The following RALYL variants were observed in gnomAD, a reference collection of about 807,000 sequenced individuals.
The protein encoded by RALYL is RNA-binding Raly-like protein.
In RALYL, 29 loss-of-function variants were observed where a neutral mutation model predicts 35.1. The observed-to-expected ratio is 0.83, with a 90% CI of 0.61 to 1.13. The LOEUF (loss-of-function observed/expected upper bound fraction) is 1.13. RALYL is among the 50% of genes most tolerant of loss of function. RALYL has a pLI of 0.00. For missense variants in RALYL, 359 were observed against 360.4 expected, an observed-to-expected ratio of 1.00 and a Z score of 0.03; for synonymous variants, 120 against 127.6, an observed-to-expected ratio of 0.94 and a Z score of 0.40.
At chr8:84,423,134 A>G (rs1329482601) in intron 1 of RALYL, among the ~76,000 whole-genome samples, 2 of 150,482 alleles carry the variant, frequency 1.3e-5, no homozygotes, top group Non-Finnish European at 3.0e-5. Context: ...GATCTGTCTA[A>G]TGTTGACAGT....
intron 4 of RALYL, among the ~76,000 whole-genome samples, chr8:84,828,291 G>T (rs905395376): frequency 4.6e-5 from 7 of 152,100 alleles, no homozygotes; most frequent in Non-Finnish European, 7.4e-5. Flanking sequence ...ACCAAGAAAT[G>T]AAGCCACACT....
chr8:84,708,180 G>C (rs1396766070), intron 2 of RALYL, among the ~76,000 whole-genome samples: 1 of 152,038 alleles, frequency 6.6e-6, no homozygotes, highest in Non-Finnish European at 1.5e-5. Context: ...GAATAGTAAA[G>C]GTGCATGTGG....
Position 84,921,140 on chromosome 8 carries a change from C to T in RALYL, c.*229C>T. The T allele has an allele frequency of 2.8e-6, 1 of 356,376 alleles. No individual in the cohort carries two copies. Among genetic ancestry groups the T allele is most frequent in the Non-Finnish European group, 5.1e-6 (1 of 196,770 alleles). 22.1% of individuals were successfully genotyped at this position (356,376 alleles called of 1,614,324 possible). A position where few individuals can be genotyped will look rare whatever the true frequency, so the allele number is the denominator to read the frequency against. Reference sequence around the variant, plus strand: ...GTTTAAATTGTAAATGTGTTTTCCCCTTTGCTAATTATGTTTTTTTTTTCA... The same window carrying T: ...GTTTAAATTGTAAATGTGTTTTCCCTTTTGCTAATTATGTTTTTTTTTTCA... On this transcript the variant is annotated 3_prime_UTR_variant, in exon 9 of 9. Coordinates refer to ENST00000521268, the MANE Select transcript of RALYL (RefSeq NM_173848.7).
Position 84,388,110 on chromosome 8 carries a change from G to A in RALYL, c.-23-141189G>A, listed in dbSNP as rs570158303. Among the ~76,000 whole-genome samples, 626 of 152,042 alleles carry A rather than the reference G, an allele frequency of 4.1e-3. 2 individuals are homozygous for A. Among genetic ancestry groups the A allele is most frequent in the Non-Finnish European group, 6.8e-3 (459 of 67,986 alleles). ...ATGTGGTGTTTGGTTTTTTGTTCTT[G>A]CGATAGTTTACTGAGAATGATGATT... is the stretch of plus-strand genomic sequence containing the variant. On this transcript the variant is annotated intron_variant, in intron 1 of 8. Coordinates refer to ENST00000521268, the MANE Select transcript of RALYL (RefSeq NM_173848.7).
intron 6 of RALYL, among the ~76,000 whole-genome samples, chr8:84,870,958 T>G (rs1349938272): frequency 6.6e-6 from 1 of 152,156 alleles, no homozygotes; most frequent in African/African-American, 2.4e-5. Flanking sequence ...CAAGACTATT[T>G]GTAGAGCCTG....
chr8:84,226,394 G>A (rs1352998893), intron 1 of RALYL, among the ~76,000 whole-genome samples: 1 of 151,976 alleles, frequency 6.6e-6, no homozygotes, highest in Non-Finnish European at 1.5e-5. Context: ...TTCTTTTTTG[G>A]TTGTTTGTTT....
intron 5 of RALYL, among the ~76,000 whole-genome samples, chr8:84,857,847 T>A (rs1837366084): frequency 6.6e-6 from 1 of 152,170 alleles, no homozygotes; most frequent in Admixed American, 6.5e-5. Context: ...ATTGTAGTTT[T>A]TTTATGTACT....
chr8:84,679,509 A>G (rs2131947018), intron 2 of RALYL: 1 of 346,354 alleles, frequency 2.9e-6, no homozygotes, highest in South Asian at 2.4e-5. Flanking sequence ...ATTGGATATT[A>G]ACTTTTACAG....
chr8:84,599,874 C>T (rs539898865), intron 2 of RALYL, among the ~76,000 whole-genome samples: 4 of 148,816 alleles, frequency 2.7e-5, no homozygotes, highest in East Asian at 3.9e-4. Context: ...TTGTTATTTG[C>T]GGAGGGATGT....
chr8:84,380,483 T>G (rs890299841), intron 1 of RALYL, among the ~76,000 whole-genome samples: 3 of 151,838 alleles, frequency 2.0e-5, no homozygotes, highest in Non-Finnish European at 2.9e-5. Flanking sequence ...GTTTACTAGG[T>G]CATGAGGCTC....
chr8:84,687,419 C>G lies in RALYL; in HGVS notation c.257-87160C>G, dbSNP rs781258333. Among the ~76,000 whole-genome samples the G allele has an allele frequency of 3.4e-4, 51 of 152,034 alleles. 1 individual carries two copies. The highest frequency in any genetic ancestry group is 3.1e-4 in the Non-Finnish European group (21 of 67,964). On this transcript the variant is annotated intron_variant, in intron 2 of 8. Coordinates refer to ENST00000521268, the MANE Select transcript of RALYL (RefSeq NM_173848.7). Reference sequence around the variant, plus strand: ...GGAAAAAATACCCGAGTGAAAACAACATTATTATTTCACTCAACTGATTAG... The same window carrying G: ...GGAAAAAATACCCGAGTGAAAACAAGATTATTATTTCACTCAACTGATTAG...
intron 6 of RALYL, among the ~76,000 whole-genome samples, chr8:84,865,574 A>G (rs1435288321): frequency 6.6e-6 from 1 of 152,202 alleles, no homozygotes; most frequent in Non-Finnish European, 1.5e-5. Flanking sequence ...AACTAAAACT[A>G]TAATCAGCTT....
chr8:84,766,176 G>A (rs1813905664), intron 2 of RALYL, among the ~76,000 whole-genome samples: 1 of 152,062 alleles, frequency 6.6e-6, no homozygotes, highest in Non-Finnish European at 1.5e-5. Flanking sequence ...ACATGTCAGG[G>A]TATCTCATAA....
At chr8:84,306,544 C>A (rs997920112) in intron 1 of RALYL, among the ~76,000 whole-genome samples, 1 of 152,132 alleles carries the variant, frequency 6.6e-6, no homozygotes, top group Non-Finnish European at 1.5e-5. Flanking sequence ...CTCACTTCAA[C>A]TTCAGGAAAG....
At chr8:84,623,237 A>G (rs999880248) in intron 2 of RALYL, among the ~76,000 whole-genome samples, 2 of 152,142 alleles carry the variant, frequency 1.3e-5, no homozygotes, top group Non-Finnish European at 2.9e-5. Flanking sequence ...CAAGTTTTTC[A>G]TAGGTAAAGA....
intron 2 of RALYL, among the ~76,000 whole-genome samples, chr8:84,651,571 G>T (rs74507409): frequency 6.6e-6 from 1 of 151,952 alleles, no homozygotes; most frequent in African/African-American, 2.4e-5. Flanking sequence ...GAATTTATTT[G>T]ATCTTGAAAA....
At chr8:84,335,785 C>T (rs755669998) in intron 1 of RALYL, among the ~76,000 whole-genome samples, 1 of 137,712 alleles carries the variant, frequency 7.3e-6, no homozygotes, top group Non-Finnish European at 1.5e-5. Flanking sequence ...CAAACATTTC[C>T]GTTGGGAATG....
rs550499947 is a variant in RALYL at position 84,314,252 on chromosome 8, C to T, written c.-24+129828C>T. ...CTCCCACCAGATCCCTCCCTTGACA[C>T]GTAGGGATTATAATTTGAGATGAGA... On this transcript the variant is annotated intron_variant, in intron 1 of 8. Transcript: ENST00000521268. Among the ~76,000 whole-genome samples, 241 of 152,030 alleles carry T rather than the reference C, an allele frequency of 1.6e-3. 1 individual carries two copies. The highest frequency in any genetic ancestry group is 2.5e-3 in the Non-Finnish European group (171 of 67,982).
rs1838234937 is a variant in RALYL, at chr8:84,862,220, C to T, written c.414-76C>T. ...TATTGAAATTTTCTACCAGGACATT[C>T]TGTTCAACATTTCACATATTTGATA... On this transcript the variant is annotated intron_variant, in intron 5 of 8. Transcript: ENST00000521268. 7 of 1,221,172 alleles carry T rather than the reference C, an allele frequency of 5.7e-6. No individual in the cohort carries two copies. In the South Asian group the frequency reaches 1.4e-4, roughly 25 times the overall value. The allele number at this position is 1,221,172 out of a possible 1,614,324, so 75.6% of individuals were successfully genotyped here.
Sources: allele counts gnomAD v4.1 joint callset (sites outside exome capture counted in the v4.1 genomes callset), GRCh38; gene constraint gnomAD v4.1.1; transcripts MANE v1.5; gene names NCBI Gene and HGNC (gene_info 2026-07-23, HGNC 2026-07-21).